Variants in TMEM117 observed in about 807,000 individuals in gnomAD.
The protein encoded by TMEM117 is transmembrane protein 117.
TMEM117 carries 27 observed loss-of-function variants against 52.4 expected under a neutral mutation model. The ratio of observed to expected loss-of-function variants is 0.51; its 90% CI spans 0.38 to 0.71. The LOEUF is 0.71. Among genes scored for constraint, TMEM117 ranks in the 30% least tolerant of loss-of-function variants. The pLI is 0.00. For missense variants in TMEM117, 556 were observed against 630.5 expected (o/e 0.88, Z 1.26); for synonymous variants, 215 against 206.3 (o/e 1.04, Z -0.36).
chr12:44,199,230 A>G (rs1013190587), intron 4 of TMEM117, among the ~76,000 whole-genome samples: 5 of 152,202 alleles, frequency 3.3e-5, no homozygotes, highest in African/African-American at 1.2e-4. Flanking sequence ...ATCCTGAACC[A>G]TATTCCATGG....
At chr12:44,217,333 C>G (rs1369846812) in intron 5 of TMEM117, among the ~76,000 whole-genome samples, 1 of 152,130 alleles carries the variant, frequency 6.6e-6, no homozygotes, top group African/African-American at 2.4e-5. Flanking sequence ...TCATCTGAGA[C>G]AAGTTGAGAC....
chr12:44,102,217 G>C (rs1407018256), intron 3 of TMEM117, among the ~76,000 whole-genome samples: 1 of 152,010 alleles, frequency 6.6e-6, no homozygotes, highest in East Asian at 1.9e-4. Context: ...AGAAAGCACA[G>C]CAAAGCATAT....
At chr12:44,099,259 A>T (rs1352590143) in intron 3 of TMEM117, among the ~76,000 whole-genome samples, 1 of 149,248 alleles carries the variant, frequency 6.7e-6, no homozygotes, top group Non-Finnish European at 1.5e-5. Flanking sequence ...TTTGTTTTTT[A>T]ATTTTTTTAA....
intron 6 of TMEM117, among the ~76,000 whole-genome samples, chr12:44,313,867 T>C (rs1276099839): frequency 1.3e-5 from 2 of 152,122 alleles, no homozygotes; most frequent in Non-Finnish European, 2.9e-5. Flanking sequence ...GGGTGGGTAT[T>C]GTAAGTGAGA....
At chr12:43,892,747 A>G (rs2137482203) in intron 2 of TMEM117, among the ~76,000 whole-genome samples, 1 of 152,378 alleles carries the variant, frequency 6.6e-6, no homozygotes, top group South Asian at 2.1e-4. Context: ...AAAATAGATA[A>G]AATCCTGTCA....
chr12:43,894,648 T>G (rs1944167544), intron 2 of TMEM117, among the ~76,000 whole-genome samples: 1 of 152,160 alleles, frequency 6.6e-6, no homozygotes, highest in South Asian at 2.1e-4. Flanking sequence ...TTCGTGGTAT[T>G]TGGTTTTCTG....
At chr12:43,939,727 A>G (rs1945012998) in intron 2 of TMEM117, among the ~76,000 whole-genome samples, 1 of 152,114 alleles carries the variant, frequency 6.6e-6, no homozygotes, top group Non-Finnish European at 1.5e-5. Context: ...GGACTAGCTT[A>G]GTTTGATAAC....
At chr12:43,805,577 A>G in the TMEM117 span, 1 of 463,818 alleles carries the variant, frequency 2.2e-6, no homozygotes, top group Non-Finnish European at 4.3e-6. Context: ...ATATAACTGC[A>G]TATTGAACTG....
At chr12:43,997,409 T>G (rs1946048937) in intron 3 of TMEM117, among the ~76,000 whole-genome samples, 1 of 152,178 alleles carries the variant, frequency 6.6e-6, no homozygotes. Context: ...GAGATCTTCC[T>G]TTTTTTCTAC....
chr12:44,087,639 A>G (rs1007766074), intron 3 of TMEM117, among the ~76,000 whole-genome samples: 2 of 151,934 alleles, frequency 1.3e-5, no homozygotes, highest in African/African-American at 4.8e-5. Flanking sequence ...CAATTTCCCT[A>G]TTTTATGTAG....
chr12:43,806,126 C>A, the TMEM117 span: 2 of 1,526,712 alleles, frequency 1.3e-6, no homozygotes, highest in Non-Finnish European at 1.8e-6. Context: ...CCGGAGCTCC[C>A]GGCCCGACTC....
At chr12:44,231,804 G>T (rs1350126747) in intron 5 of TMEM117, among the ~76,000 whole-genome samples, 1 of 151,712 alleles carries the variant, frequency 6.6e-6, no homozygotes. Context: ...TTTCATAATA[G>T]AAGAGTTTTT....
chr12:43,870,384 C>A (rs972230426), intron 2 of TMEM117, among the ~76,000 whole-genome samples: 4 of 151,608 alleles, frequency 2.6e-5, no homozygotes, highest in African/African-American at 7.3e-5. Flanking sequence ...TTCAGCCTCC[C>A]GAGTAGCTGG....
intron 2 of TMEM117, among the ~76,000 whole-genome samples, chr12:43,930,286 T>G (rs1944850981): frequency 6.6e-6 from 1 of 152,172 alleles, no homozygotes. Context: ...CCTACATAGT[T>G]TAGTAGGTGT....
Position 44,295,241 on chromosome 12 carries a change from T to C in TMEM117, c.609-4339T>C, listed in dbSNP as rs558011077. On this transcript the variant is annotated intron_variant, in intron 5 of 7. Transcript: ENST00000266534. ...TTATTTGAGACAGGGTCTTGCTCTGTCACCCAGACTGGAGTTGAGTGGTGT... is the reference window on the plus strand; with the variant it reads ...TTATTTGAGACAGGGTCTTGCTCTGCCACCCAGACTGGAGTTGAGTGGTGT... Among the ~76,000 whole-genome samples, 20 of 152,314 alleles carry C rather than the reference T, an allele frequency of 1.3e-4. No homozygotes were observed. In the South Asian group the frequency reaches 3.9e-3, roughly 30 times the overall value.
chr12:44,153,833 A>G lies in TMEM117; in HGVS notation c.510+10209A>G, dbSNP rs545194830. Among the ~76,000 whole-genome samples, 325 of 152,168 alleles carry G rather than the reference A, an allele frequency of 2.1e-3. 2 individuals carry two copies. The highest frequency in any genetic ancestry group is 7.1e-3 in the African/African-American group (296 of 41,556). ...AGTTAAACATCAGAAAGAGATTTAT[A>G]GCAATGAAGTATCTTGTATTTATGC... On this transcript the variant is annotated intron_variant, in intron 4 of 7. Coordinates refer to ENST00000266534, the MANE Select transcript of TMEM117 (RefSeq NM_032256.3).
intron 4 of TMEM117, among the ~76,000 whole-genome samples, chr12:44,191,922 T>C (rs1949360165): frequency 6.6e-6 from 1 of 152,192 alleles, no homozygotes; most frequent in Non-Finnish European, 1.5e-5. Flanking sequence ...ATAAATACTT[T>C]TATAAAATAT....
intron 6 of TMEM117, among the ~76,000 whole-genome samples, chr12:44,345,386 A>G (rs1283191370): frequency 1.3e-5 from 2 of 152,102 alleles, no homozygotes; most frequent in Non-Finnish European, 2.9e-5. Context: ...ACACAGATTC[A>G]ATTTCTAGAA....
At chr12:44,123,033 T>C (rs1467333580) in intron 3 of TMEM117, among the ~76,000 whole-genome samples, 2 of 152,240 alleles carry the variant, frequency 1.3e-5, no homozygotes, top group Admixed American at 6.5e-5. Context: ...ACCAACAGTA[T>C]AAAAGTGTTC....
Sources: gnomAD v4.1 joint callset for allele counts (sites outside exome capture counted in the v4.1 genomes callset) on GRCh38, gnomAD v4.1.1 for gene constraint, MANE v1.5 for transcripts, NCBI Gene and HGNC (gene_info 2026-07-23, HGNC 2026-07-21) for gene names.